The following ZPBP variants were observed in gnomAD, a reference collection of about 807,000 sequenced individuals.
ZPBP encodes zona pellucida-binding protein 1.
A neutral mutation model predicts 44.8 loss-of-function variants in ZPBP; 26 were observed. The ratio of observed to expected loss-of-function variants is 0.58; its 90% CI spans 0.43 to 0.81. The LOEUF (loss-of-function observed/expected upper bound fraction) is 0.81. Ranked by LOEUF, ZPBP falls within the 30% of genes least tolerant of loss-of-function variation. ZPBP has a pLI of 0.00. For missense variants in ZPBP, 409 were observed against 434.0 expected (o/e 0.94, Z 0.51); for synonymous variants, 174 against 153.2 (o/e 1.14, Z -1.00).
chr7:49,933,652 C>G (rs1479392745), downstream of ZPBP, among the ~76,000 whole-genome samples: 1 of 152,098 alleles, frequency 6.6e-6, no homozygotes, highest in Non-Finnish European at 1.5e-5. Flanking sequence ...GGAACCAACC[C>G]AAATGTCCAA....
intron 6 of ZPBP, among the ~76,000 whole-genome samples, chr7:50,000,246 A>G (rs1158571260): frequency 1.3e-5 from 2 of 152,210 alleles, no homozygotes; most frequent in African/African-American, 4.8e-5. Flanking sequence ...TCAATAAATA[A>G]GAATCAAATA....
At chr7:49,963,305 T>C (rs758301725) in intron 7 of ZPBP, among the ~76,000 whole-genome samples, 1 of 151,776 alleles carries the variant, frequency 6.6e-6, no homozygotes, top group Non-Finnish European at 1.5e-5. Flanking sequence ...AATCACAAAA[T>C]TTCTGTGCAA....
At chr7:50,086,633 T>C (rs1411446391) in intron 2 of ZPBP, among the ~76,000 whole-genome samples, 9 of 151,908 alleles carry the variant, frequency 5.9e-5, no homozygotes, top group Non-Finnish European at 1.0e-4. Context: ...AACTTGAAGA[T>C]AGGTCAACAT....
chr7:49,981,552 TA>T (rs1441274809), intron 7 of ZPBP, among the ~76,000 whole-genome samples: 42 of 83,742 alleles, frequency 5.0e-4, no homozygotes, highest in East Asian at 3.8e-3. Flanking sequence ...TATAATTATA[TA>T]AATTATATAT....
chr7:50,087,934 C>A (rs1802751493), intron 2 of ZPBP, among the ~76,000 whole-genome samples: 1 of 151,862 alleles, frequency 6.6e-6, no homozygotes. Flanking sequence ...CAAGCTGATT[C>A]TAGAATTAAT....
chr7:49,997,723 G>A (rs1797911942), intron 6 of ZPBP, among the ~76,000 whole-genome samples: 1 of 152,140 alleles, frequency 6.6e-6, no homozygotes, highest in Admixed American at 6.5e-5. Flanking sequence ...CCCACTGTAG[G>A]TGGAACACCA....
At chr7:50,000,801 C>T (rs954718046) in intron 6 of ZPBP, among the ~76,000 whole-genome samples, 5 of 152,060 alleles carry the variant, frequency 3.3e-5, no homozygotes, top group African/African-American at 1.2e-4. Context: ...CTGATTCATG[C>T]CCCCACCACC....
chr7:49,934,929 C>T (rs1322195618), downstream of ZPBP, among the ~76,000 whole-genome samples: 3 of 152,046 alleles, frequency 2.0e-5, no homozygotes, highest in African/African-American at 7.2e-5. Context: ...GATATAATTG[C>T]TAAAAAATGT....
At chr7:50,072,667 G>A (rs781566890) in intron 3 of ZPBP, among the ~76,000 whole-genome samples, 35 of 152,232 alleles carry the variant, frequency 2.3e-4, no homozygotes, top group Non-Finnish European at 3.4e-4. Flanking sequence ...GAGAAAGTAA[G>A]GGAAGAAAAC....
At chr7:49,893,287 G>A (rs975561710) in intron 2 of ZPBP, among the ~76,000 whole-genome samples, 3 of 152,144 alleles carry the variant, frequency 2.0e-5, no homozygotes, top group Non-Finnish European at 2.9e-5. Context: ...CCAGAGGGCT[G>A]GAAGGAAGAG....
At chr7:49,874,384 T>C (rs1791306932) in intron 2 of ZPBP, among the ~76,000 whole-genome samples, 2 of 152,224 alleles carry the variant, frequency 1.3e-5, no homozygotes, top group South Asian at 4.1e-4. Context: ...CGTGCAGGTT[T>C]GTAGCCTAGG....
chr7:50,073,594 T>C (rs1448916969), intron 3 of ZPBP, among the ~76,000 whole-genome samples: 2 of 152,030 alleles, frequency 1.3e-5, no homozygotes, highest in East Asian at 1.9e-4. Context: ...TGTAGACTAC[T>C]TCAAGGCATT....
chr7:50,062,344 C>CA lies in ZPBP; in HGVS notation c.335-4204dup, dbSNP rs565335517. The stretch of plus-strand genomic sequence containing the variant: ...ACCTACTGTAAAACTCATATGGAAC[C>CA]AAACAAGAGCTGGAACAGCCAAAGT... On this transcript the variant is annotated intron_variant, in intron 3 of 7. Transcript: ENST00000046087. Among the ~76,000 whole-genome samples, 57 of 152,190 alleles carry CA rather than the reference C, an allele frequency of 3.7e-4. No individual in the cohort carries two copies. In the South Asian group the frequency reaches 0.011, roughly 30 times the overall value.
rs554891663 is a variant in ZPBP, at chr7:50,022,561, T to C, written c.707-4245A>G. Reference sequence around the variant, plus strand: ...TGAGAAGGAAATTTAAACGGTATTCTATAAATAATGAAACACAAAAGAAGG... The same window carrying C: ...TGAGAAGGAAATTTAAACGGTATTCCATAAATAATGAAACACAAAAGAAGG... On this transcript the variant is annotated intron_variant, in intron 5 of 7. Coordinates refer to ENST00000046087, the MANE Select transcript of ZPBP (RefSeq NM_007009.3). Among the ~76,000 whole-genome samples, 7 of 152,062 alleles carry C rather than the reference T, an allele frequency of 4.6e-5. No individual in the cohort carries two copies. The East Asian group carries it at 1.4e-3, about 29-fold the overall frequency.
chr7:50,003,883 A>G (rs1798194082), intron 6 of ZPBP, among the ~76,000 whole-genome samples: 1 of 152,184 alleles, frequency 6.6e-6, no homozygotes. Context: ...TAAAAAACAC[A>G]CATCTCTTAC....
chr7:49,857,446 G>A (rs1305383902), intron 2 of ZPBP, among the ~76,000 whole-genome samples: 5 of 152,316 alleles, frequency 3.3e-5, no homozygotes, highest in Non-Finnish European at 7.3e-5. Flanking sequence ...GGGCACTTGA[G>A]TTGTTTCCAT....
At chr7:49,995,571 C>T (rs1360889820) in intron 6 of ZPBP, among the ~76,000 whole-genome samples, 2 of 152,254 alleles carry the variant, frequency 1.3e-5, no homozygotes, top group South Asian at 2.1e-4. Context: ...CGGATCACCA[C>T]ATCTGCATCT....
intron 2 of ZPBP, among the ~76,000 whole-genome samples, chr7:49,894,117 G>A (rs1254485998): frequency 6.6e-6 from 1 of 151,978 alleles, no homozygotes; most frequent in Non-Finnish European, 1.5e-5. Flanking sequence ...AAGGGGAGGA[G>A]ATATGACATA....
At chr7:49,955,987 A>C (rs1432377325) in intron 7 of ZPBP, among the ~76,000 whole-genome samples, 1 of 152,172 alleles carries the variant, frequency 6.6e-6, no homozygotes, top group Non-Finnish European at 1.5e-5. Flanking sequence ...TTGCACTTGG[A>C]CTTATCATTT....
Sources: allele counts gnomAD v4.1 joint callset (sites outside exome capture counted in the v4.1 genomes callset), GRCh38; gene constraint gnomAD v4.1.1; transcripts MANE v1.5; gene names NCBI Gene and HGNC (gene_info 2026-07-23, HGNC 2026-07-21).